The following GATM variants were observed in gnomAD, a reference collection of about 807,000 sequenced individuals.
GATM encodes glycine amidinotransferase, mitochondrial.
A neutral mutation model predicts 54.2 loss-of-function variants in GATM; 23 were observed. The ratio of observed to expected loss-of-function variants is 0.42; its 90% CI spans 0.31 to 0.60. The LOEUF (loss-of-function observed/expected upper bound fraction) is 0.60. GATM is among the 20% of genes least tolerant of loss of function. GATM has a pLI of 0.14. For missense variants in GATM, 401 were observed against 544.9 expected, an observed-to-expected ratio of 0.74 and a Z score of 2.63; for synonymous variants, 168 against 183.1, an observed-to-expected ratio of 0.92 and a Z score of 0.67.
At position 45,376,456 on chromosome 15, in the gene GATM, T is replaced by C. The variant is rs369690332; in HGVS notation, c.288+145A>G. ...GCAATTATCATTGGTGTAAATAGTG[T>C]CAAATACCACAGAGGTGTCAAGTAA... On this transcript the variant is annotated intron_variant, in intron 2 of 8. Coordinates refer to ENST00000396659, the MANE Select transcript of GATM (RefSeq NM_001482.3). The C allele has an allele frequency of 3.7e-5, 28 of 757,606 alleles. No homozygotes were observed. The African/African-American group carries it at 3.7e-4, about 10-fold the overall frequency. The allele number at this position is 757,606 out of a possible 1,614,324, so 46.9% of individuals were successfully genotyped here. A position where few individuals can be genotyped will look rare whatever the true frequency, so the allele number is the denominator to read the frequency against.
intron 1 of GATM, 118 bp downstream of exon 1, chr15:45,378,267 C>T (rs997900916): frequency 1.1e-5 from 8 of 755,736 alleles, no homozygotes; most frequent in East Asian, 3.2e-5. Context: ...CGTGCAATTC[C>T]GGCTAGGGAA....
At chr15:45,386,547 G>A (rs1307572433) in intron 3 of GATM, among the ~76,000 whole-genome samples, 2 of 152,092 alleles carry the variant, frequency 1.3e-5, no homozygotes, top group African/African-American at 4.8e-5. Flanking sequence ...GTCCATACAC[G>A]CTGTGATCTG....
intron 1 of GATM, 61 bp from the exon 2 acceptor site, chr15:45,376,880 A>G (rs1439935618): frequency 1.4e-6 from 2 of 1,458,338 alleles, no homozygotes; most frequent in Non-Finnish European, 1.9e-6. Flanking sequence ...TACAGAGAGG[A>G]GGAAGTGGAG....
intron 2 of GATM, among the ~76,000 whole-genome samples, chr15:45,376,119 G>A (rs1889627894): frequency 6.6e-6 from 1 of 152,132 alleles, no homozygotes; most frequent in Non-Finnish European, 1.5e-5. Flanking sequence ...GAATGAGGAG[G>A]GATCCACTTG....
intron 3 of GATM, among the ~76,000 whole-genome samples, chr15:45,396,748 T>C (rs747119232): frequency 2.3e-4 from 35 of 151,556 alleles, no homozygotes; most frequent in Non-Finnish European, 4.3e-4. Context: ...ATTGTGCCTG[T>C]AATCCCAGCT....
At chr15:45,398,778 A>G (rs1889963113) in intron 2 of GATM, among the ~76,000 whole-genome samples, 1 of 152,234 alleles carries the variant, frequency 6.6e-6, no homozygotes, top group African/African-American at 2.4e-5. Flanking sequence ...ACATAACACA[A>G]AAATGGAAAT....
upstream of GATM, chr15:45,378,579 C>G: frequency 1.5e-6 from 1 of 662,384 alleles, no homozygotes; most frequent in South Asian, 2.7e-5. Flanking sequence ...CTTTTGTAGC[C>G]GCGCTCCGCC....
At chr15:45,368,000 ATCTC>A (rs1889475545) in intron 4 of GATM, 66 bp downstream of exon 4, 14 of 1,360,284 alleles carry the variant, frequency 1.0e-5, no homozygotes, top group African/African-American at 1.0e-4. Flanking sequence ...GTATCAGAGA[ATCTC>A]TATCTTACTC....
chr15:45,370,797 G>A (rs923306326), intron 2 of GATM, among the ~76,000 whole-genome samples: 1 of 152,180 alleles, frequency 6.6e-6, no homozygotes, highest in African/African-American at 2.4e-5. Flanking sequence ...TTGAGATGGA[G>A]TCTCACTCTG....
intron 1 of GATM, chr15:45,378,168 TC>T (rs1386918384): frequency 6.3e-6 from 3 of 478,450 alleles, no homozygotes; most frequent in Non-Finnish European, 1.1e-5. Context: ...CAACGCAAGT[TC>T]CCCCTGACTG....
At chr15:45,362,369 T>C (rs1401566847) in intron 8 of GATM, 148 bp from the exon 9 acceptor site, 1 of 669,868 alleles carries the variant, frequency 1.5e-6, no homozygotes, top group African/African-American at 1.8e-5. Flanking sequence ...CAATTTTATT[T>C]TCACCAACTA....
chr15:45,379,209 C>T (rs370840835), upstream of GATM: 16 of 152,244 alleles, frequency 1.1e-4, no homozygotes, highest in East Asian at 3.1e-3. Flanking sequence ...TCGTTCCTTC[C>T]ATTTCATGTT....
upstream of GATM, among the ~76,000 whole-genome samples, chr15:45,381,403 A>C (rs560072539): frequency 6.6e-6 from 1 of 152,280 alleles, no homozygotes; most frequent in South Asian, 2.1e-4. Flanking sequence ...CTTCCTCATC[A>C]CTGTTGCTTT....
At chr15:45,385,236 T>C (rs1889791425) in intron 3 of GATM, among the ~76,000 whole-genome samples, 2 of 152,226 alleles carry the variant, frequency 1.3e-5, no homozygotes, top group African/African-American at 4.8e-5. Flanking sequence ...AGAAGGCAGC[T>C]GTCACTGGAC....
chr15:45,374,097 A>G (rs1595485042), intron 2 of GATM, among the ~76,000 whole-genome samples: 1 of 152,336 alleles, frequency 6.6e-6, no homozygotes, highest in African/African-American at 2.4e-5. Context: ...TGTTAGGTAG[A>G]TAGCAAACTA....
chr15:45,387,280 A>G (rs1303756024), intron 3 of GATM, among the ~76,000 whole-genome samples: 1 of 152,258 alleles, frequency 6.6e-6, no homozygotes, highest in East Asian at 1.9e-4. Flanking sequence ...TTCTGGCACA[A>G]TTCTGTAGCA....
intron 2 of GATM, among the ~76,000 whole-genome samples, chr15:45,370,637 G>C (rs942617595): frequency 6.6e-6 from 1 of 152,180 alleles, no homozygotes; most frequent in Non-Finnish European, 1.5e-5. Flanking sequence ...AAAAAATTTA[G>C]AAAGTTTCCA....
Position 45,368,304 on chromosome 15 carries a change from T to C in GATM, c.485-44A>G. 1 of 1,582,712 alleles carries C rather than the reference T, an allele frequency of 6.3e-7. No homozygotes were observed. The highest frequency in any genetic ancestry group is 8.7e-7 in the Non-Finnish European group (1 of 1,154,782). On this transcript the variant is annotated intron_variant, in intron 3 of 8. Transcript: ENST00000396659. This position sits in a 1 kb window ranked among gnomAD's most constrained non-coding sequence, Gnocchi z 5.1. ...CCATGACAACTTCAGTAGTGTTAAT[T>C]TCCAAGACAAAAAAGGTCTATATAG...
intron 2 of GATM, among the ~76,000 whole-genome samples, chr15:45,375,901 G>A (rs777517341): frequency 2.6e-5 from 4 of 152,178 alleles, no homozygotes; most frequent in Non-Finnish European, 4.4e-5. Flanking sequence ...GGTGAGAAGA[G>A]TGAGTAGGAG....
Sources: allele counts gnomAD v4.1 joint callset (sites outside exome capture counted in the v4.1 genomes callset), GRCh38; gene constraint gnomAD v4.1.1; non-coding constraint Gnocchi (gnomAD v3.1); transcripts MANE v1.5; gene names NCBI Gene and HGNC (gene_info 2026-07-23, HGNC 2026-07-21).